The following CFLAR variants were observed in gnomAD, a reference collection of about 807,000 sequenced individuals.
CFLAR encodes CASP8 and FADD like apoptosis regulator.
In CFLAR, 14 loss-of-function variants were observed where a neutral mutation model predicts 51.1. The observed-to-expected ratio is 0.27, with a 90% CI of 0.18 to 0.43. The LOEUF (loss-of-function observed/expected upper bound fraction) is 0.43, where lower values mean the gene tolerates loss of function less well. Ranked by LOEUF, CFLAR falls within the 20% of genes least tolerant of loss-of-function variation. The probability of loss-of-function intolerance (pLI) is 1.00; values close to 1 mark genes in which losing one functional copy is unlikely to be tolerated. For missense variants in CFLAR, 390 were observed against 566.5 expected (o/e 0.69, Z 3.16); for synonymous variants, 210 against 211.6 (o/e 0.99, Z 0.06).
chr2:201,163,357 C>T, intron 9 of CFLAR: 1 of 1,165,800 alleles, frequency 8.6e-7, no homozygotes, highest in Non-Finnish European at 1.1e-6. Context: ...CAGTTGCACT[C>T]TAATTACAAT....
chr2:201,144,417 T>C (rs1939679250), intron 5 of CFLAR: 1 of 152,242 alleles, frequency 6.6e-6, no homozygotes, highest in South Asian at 2.1e-4. Context: ...ATATGTTGCT[T>C]ATGTGTAGCT....
Position 201,170,820 on chromosome 2 carries a change from A to G in CFLAR, c.*6847A>G, listed in dbSNP as rs1943968116. 1.3e-5 allele frequency: 2 copies of G among 152,230 alleles called. No homozygotes were observed. The highest frequency in any genetic ancestry group is 2.9e-5 in the Non-Finnish European group (2 of 68,032). 9.4% of individuals were successfully genotyped at this position (152,230 alleles called of 1,614,324 possible). A position where few individuals can be genotyped will look rare whatever the true frequency, so the allele number is the denominator to read the frequency against. On this transcript the variant is annotated 3_prime_UTR_variant, in exon 10 of 10. Transcript: ENST00000309955. Reference sequence around the variant, plus strand: ...GTTGTGAATATTTTCCTATATTATGAAATATCATTAGCTGAGCTTTTAGAA... The same window carrying G: ...GTTGTGAATATTTTCCTATATTATGGAATATCATTAGCTGAGCTTTTAGAA...
chr2:201,140,272 T>C, intron 4 of CFLAR, 85 bp from the exon 5 acceptor site: 13 of 1,517,740 alleles, frequency 8.6e-6, no homozygotes, highest in Non-Finnish European at 1.2e-5. Flanking sequence ...AAGATGGTGA[T>C]TGACCTTGGA....
intron 8 of CFLAR, chr2:201,153,354 G>A (rs764743679): frequency 6.6e-6 from 1 of 152,192 alleles, no homozygotes; most frequent in African/African-American, 2.4e-5. Context: ...ATTAAGAAGT[G>A]GAAAGGCACA....
At chr2:201,160,990 T>A in intron 9 of CFLAR, 48 bp downstream of exon 9, 5 of 1,399,538 alleles carry the variant, frequency 3.6e-6, no homozygotes, top group Non-Finnish European at 5.0e-6. Context: ...CTTATTTTCG[T>A]GCCACCAGGA....
chr2:201,145,645 C>T, intron 6 of CFLAR: 1 of 496,058 alleles, frequency 2.0e-6, no homozygotes, highest in Non-Finnish European at 3.6e-6. Flanking sequence ...CGTACTCCAT[C>T]AGCTTCATCA....
intron 8 of CFLAR, among the ~76,000 whole-genome samples, chr2:201,155,489 C>T (rs2125896334): frequency 6.6e-6 from 1 of 152,220 alleles, no homozygotes; most frequent in Middle Eastern, 3.4e-3. Context: ...GTCTTGAACT[C>T]CTGACCTCAG....
At chr2:201,142,260 G>A (rs1442231414) in intron 5 of CFLAR, among the ~76,000 whole-genome samples, 1 of 149,700 alleles carries the variant, frequency 6.7e-6, no homozygotes, top group Non-Finnish European at 1.5e-5. Context: ...TGGTGACAGA[G>A]TGAGACCTTG....
chr2:201,172,199 A>G lies in CFLAR; in HGVS notation c.*8226A>G, dbSNP rs1944063040. 2 of 152,332 alleles carry G rather than the reference A, an allele frequency of 1.3e-5. No individual in the cohort carries two copies. Among genetic ancestry groups the G allele is most frequent in the East Asian group, 1.9e-4 (1 of 5,194 alleles). The allele number at this position is 152,332 out of a possible 1,614,324, so 9.4% of individuals were successfully genotyped here. A position where few individuals can be genotyped will look rare whatever the true frequency, so the allele number is the denominator to read the frequency against. On this transcript the variant is annotated 3_prime_UTR_variant, in exon 10 of 10. Transcript: ENST00000309955. The stretch of plus-strand genomic sequence containing the variant: ...GATGAAGAGCCTGGCATACACATAA[A>G]TATATATTGAATGAATCAGTGATGG...
intron 9 of CFLAR, chr2:201,163,536 G>A: frequency 8.4e-7 from 1 of 1,187,836 alleles, no homozygotes; most frequent in Non-Finnish European, 1.0e-6. Flanking sequence ...ATACTCCATG[G>A]GCCGGTGGTA....
chr2:201,132,797 C>G (rs1272679732), intron 2 of CFLAR: 1 of 384,648 alleles, frequency 2.6e-6, no homozygotes, highest in Non-Finnish European at 4.6e-6. Context: ...TGTTAGTTGG[C>G]AAAGGATGTA....
intron 8 of CFLAR, chr2:201,154,071 AT>A: frequency 6.7e-6 from 2 of 298,978 alleles, no homozygotes; most frequent in Non-Finnish European, 1.3e-5. Flanking sequence ...CGCCCAGCTA[AT>A]TTTTCTTTTT....
chr2:201,149,099 G>A (rs2125847529), intron 7 of CFLAR, 47 bp downstream of exon 7: 1 of 1,277,944 alleles, frequency 7.8e-7, no homozygotes, highest in Non-Finnish European at 1.1e-6. Flanking sequence ...CATAGCTGTG[G>A]ATAACCCTGA....
chr2:201,169,894 C>A lies in CFLAR; in HGVS notation c.*5921C>A, dbSNP rs1045897975. ...ATCATTAGAGAAATGCAAAGGAGAA[C>A]CACAATGAGATACCATCTCATGCCG... On this transcript the variant is annotated 3_prime_UTR_variant, in exon 10 of 10. Coordinates refer to ENST00000309955, the MANE Select transcript of CFLAR (RefSeq NM_003879.7). 3.3e-5 allele frequency: 5 copies of A among 152,096 alleles called. No individual in the cohort carries two copies. The highest frequency in any genetic ancestry group is 6.5e-5 in the Admixed American group (1 of 15,270). The allele number at this position is 152,096 out of a possible 1,614,324, so 9.4% of individuals were successfully genotyped here. A position where few individuals can be genotyped will look rare whatever the true frequency, so the allele number is the denominator to read the frequency against.
intron 1 of CFLAR, among the ~76,000 whole-genome samples, chr2:201,119,618 G>A (rs533620495): frequency 1.3e-5 from 2 of 151,722 alleles, no homozygotes; most frequent in African/African-American, 4.8e-5. Flanking sequence ...CAGAAGACTT[G>A]ACACCCCACC....
At chr2:201,139,769 C>T (rs1938064307) in intron 4 of CFLAR, 1 of 152,820 alleles carries the variant, frequency 6.5e-6, no homozygotes, top group South Asian at 2.0e-4. Context: ...ACACCCCCCT[C>T]TCCGAGAAAC....
chr2:201,141,186 C>T (rs191915470), intron 5 of CFLAR, among the ~76,000 whole-genome samples: 104 of 152,158 alleles, frequency 6.8e-4, no homozygotes, highest in African/African-American at 1.8e-3. Flanking sequence ...AGCCAAATCG[C>T]GCCATTGTAC....
rs1226613047 is a variant in CFLAR at position 201,116,956 on chromosome 2, C to T, written c.-138+475C>T. 2 of 152,224 alleles carry T rather than the reference C, an allele frequency of 1.3e-5. No individual in the cohort carries two copies. Among genetic ancestry groups the T allele is most frequent in the African/African-American group, 4.8e-5 (2 of 41,460 alleles). The allele number at this position is 152,224 out of a possible 1,614,324, so 9.4% of individuals were successfully genotyped here. ...CCACCCGCGAGCTTCAGTGGCGGGC[C>T]CTCAGCGTCGTGTAAACTTTGCTTA... On this transcript the variant is annotated intron_variant, in intron 1 of 9. Coordinates refer to ENST00000309955, the MANE Select transcript of CFLAR (RefSeq NM_003879.7). The surrounding 1 kb of genome is among the most constrained non-coding windows in gnomAD (Gnocchi z 4.8).
chr2:201,164,019 A>G lies in CFLAR; in HGVS notation c.*46A>G. On this transcript the variant is annotated 3_prime_UTR_variant, in exon 10 of 10. Coordinates refer to ENST00000309955, the MANE Select transcript of CFLAR (RefSeq NM_003879.7). ...AGTGGCTCACACCTGTAATCCCAGC[A>G]CTTTGGGAGGCCAAGGAGGGCAGAT... 1 of 1,544,632 alleles carries G rather than the reference A, an allele frequency of 6.5e-7. No homozygotes were observed.
Sources: gnomAD v4.1 joint callset for allele counts (sites outside exome capture counted in the v4.1 genomes callset) on GRCh38, gnomAD v4.1.1 for gene constraint, Gnocchi (gnomAD v3.1) non-coding constraint, MANE v1.5 for transcripts, NCBI Gene and HGNC (gene_info 2026-07-23, HGNC 2026-07-21) for gene names.